The following MAML2 variants were observed in gnomAD, a reference collection of about 807,000 sequenced individuals.
MAML2 encodes mastermind-like protein 2.
Under a neutral mutation model 96.1 loss-of-function variants are expected in MAML2, and 22 were observed. That is an observed-to-expected ratio of 0.23 (90% CI 0.16 to 0.33). The LOEUF (loss-of-function observed/expected upper bound fraction) is 0.33. Ranked by LOEUF, MAML2 falls within the 10% of genes least tolerant of loss-of-function variation. The probability of loss-of-function intolerance (pLI) is 1.00; values close to 1 mark genes in which losing one functional copy is unlikely to be tolerated. For synonymous variants in MAML2, 561 were observed against 521.3 expected (o/e 1.08, Z -1.04); for missense variants, 1,367 against 1,392.4 (o/e 0.98, Z 0.29).
chr11:96,276,113 T>C (rs931771122), intron 1 of MAML2, among the ~76,000 whole-genome samples: 2 of 152,194 alleles, frequency 1.3e-5, no homozygotes, highest in Non-Finnish European at 2.9e-5. Flanking sequence ...ACAGAATCTA[T>C]AATTCTCAAG....
At chr11:96,067,883 C>A (rs892374281) in intron 2 of MAML2, among the ~76,000 whole-genome samples, 1 of 152,266 alleles carries the variant, frequency 6.6e-6, no homozygotes, top group South Asian at 2.1e-4. Flanking sequence ...TAAAGGTCTT[C>A]TTGACCTTTG....
chr11:96,126,711 A>C (rs1352847611), intron 1 of MAML2, among the ~76,000 whole-genome samples: 1 of 152,230 alleles, frequency 6.6e-6, no homozygotes. Context: ...CTTTGAAAGC[A>C]CAGAGGAGGA....
intron 1 of MAML2, among the ~76,000 whole-genome samples, chr11:96,256,806 A>C (rs1261201233): frequency 6.6e-6 from 1 of 152,260 alleles, no homozygotes; most frequent in Non-Finnish European, 1.5e-5. Context: ...CCACATAAGT[A>C]TGTCCGGCTG....
intron 1 of MAML2, among the ~76,000 whole-genome samples, chr11:96,299,331 T>C (rs1047383780): frequency 2.0e-5 from 3 of 151,128 alleles, no homozygotes; most frequent in African/African-American, 7.3e-5. Flanking sequence ...CATATATTCA[T>C]AACAGCACAA....
intron 1 of MAML2, among the ~76,000 whole-genome samples, chr11:96,190,247 C>A (rs367814816): frequency 6.6e-6 from 1 of 152,280 alleles, no homozygotes; most frequent in African/African-American, 2.4e-5. Flanking sequence ...TTAGGCATTA[C>A]CTCATTTAAT....
intron 1 of MAML2, among the ~76,000 whole-genome samples, chr11:96,329,401 C>T (rs1863826291): frequency 1.3e-5 from 2 of 152,180 alleles, no homozygotes; most frequent in Non-Finnish European, 2.9e-5. Flanking sequence ...ACTTCAGACC[C>T]TCCTTACTGC....
chr11:96,130,373 C>G (rs1378025290), intron 1 of MAML2, among the ~76,000 whole-genome samples: 1 of 152,218 alleles, frequency 6.6e-6, no homozygotes, highest in Admixed American at 6.5e-5. Context: ...TGCTTCCTCA[C>G]TCAACAGCTT....
chr11:96,108,771 A>T (rs2135829677), intron 1 of MAML2, among the ~76,000 whole-genome samples: 1 of 152,266 alleles, frequency 6.6e-6, no homozygotes, highest in Non-Finnish European at 1.5e-5. Context: ...AATGGCTCGT[A>T]CCTACAATCT....
chr11:96,187,574 C>T (rs772139914), intron 1 of MAML2, among the ~76,000 whole-genome samples: 40 of 152,126 alleles, frequency 2.6e-4, no homozygotes, highest in African/African-American at 9.2e-4. Context: ...TTTGGGAGGC[C>T]GAGGGTGGTG....
intron 1 of MAML2, among the ~76,000 whole-genome samples, chr11:96,118,195 A>G (rs910372896): frequency 3.2e-4 from 48 of 152,330 alleles, no homozygotes; most frequent in African/African-American, 1.2e-3. Context: ...ACTACAAGCT[A>G]CTTGCACGAA....
chr11:96,030,517 T>A (rs1290578994), intron 2 of MAML2, among the ~76,000 whole-genome samples: 2 of 152,228 alleles, frequency 1.3e-5, no homozygotes, highest in Non-Finnish European at 2.9e-5. Context: ...ATTTAACATA[T>A]GCTTCTGTGA....
chr11:96,200,042 G>A (rs1007903860), intron 1 of MAML2, among the ~76,000 whole-genome samples: 1 of 152,084 alleles, frequency 6.6e-6, no homozygotes, highest in African/African-American at 2.4e-5. Context: ...GGGGAGGGTG[G>A]CCAGGAATCA....
At chr11:96,180,906 A>AG (rs1387879135) in intron 1 of MAML2, among the ~76,000 whole-genome samples, 2 of 137,420 alleles carry the variant, frequency 1.5e-5, no homozygotes, top group Non-Finnish European at 3.1e-5. Flanking sequence ...TTACAGTCAA[A>AG]GGGGGTTTGT....
chr11:96,293,907 A>G (rs1863250735), intron 1 of MAML2, among the ~76,000 whole-genome samples: 1 of 152,256 alleles, frequency 6.6e-6, no homozygotes, highest in African/African-American at 2.4e-5. Context: ...AGAGTCTAAT[A>G]GTCTAGTGAT....
intron 1 of MAML2, among the ~76,000 whole-genome samples, chr11:96,226,648 C>T (rs1212889090): frequency 1.6e-4 from 25 of 152,088 alleles, no homozygotes; most frequent in Non-Finnish European, 3.7e-4. Flanking sequence ...GAATCTATTT[C>T]CTAGCTCATA....
intron 2 of MAML2, among the ~76,000 whole-genome samples, chr11:96,086,402 A>G (rs1230790194): frequency 1.3e-5 from 2 of 152,212 alleles, no homozygotes; most frequent in Non-Finnish European, 2.9e-5. Context: ...TATGTAAAAT[A>G]CCTAACAAAA....
chr11:96,312,975 A>G (rs1417537841), intron 1 of MAML2, among the ~76,000 whole-genome samples: 5 of 152,370 alleles, frequency 3.3e-5, no homozygotes, highest in East Asian at 3.9e-4. Context: ...GAAGACAACT[A>G]TATTTTCTAC....
rs116592771 is a variant in MAML2, at chr11:96,336,876, C to T, written c.513+4507G>A. 3.5e-3 allele frequency among the ~76,000 whole-genome samples: 527 copies of T among 152,266 alleles called. 4 individuals carry two copies. Among genetic ancestry groups the T allele is most frequent in the African/African-American group, 0.01 (432 of 41,550 alleles). The stretch of plus-strand genomic sequence containing the variant: ...AGAAGCCATAAGTGATTAAACATTA[C>T]GATTTAGAAACATTTGATGAACATC... On this transcript the variant is annotated intron_variant, in intron 1 of 4. Transcript: ENST00000524717.
At chr11:96,292,967 A>G (rs954531609) in intron 1 of MAML2, among the ~76,000 whole-genome samples, 5 of 152,200 alleles carry the variant, frequency 3.3e-5, no homozygotes, top group African/African-American at 1.2e-4. Flanking sequence ...TGGGTTGATC[A>G]TTGTTTATGG....
Sources: gnomAD v4.1 joint callset for allele counts (sites outside exome capture counted in the v4.1 genomes callset) on GRCh38, gnomAD v4.1.1 for gene constraint, MANE v1.5 for transcripts, NCBI Gene and HGNC (gene_info 2026-07-23, HGNC 2026-07-21) for gene names.